Variants in BEST4 observed in about 807,000 individuals in gnomAD.
BEST4 encodes bestrophin-4.
BEST4 carries 36 observed loss-of-function variants against 47.1 expected under a neutral mutation model. The observed-to-expected ratio is 0.76, with a 90% CI of 0.59 to 1.01. The LOEUF is 1.01. Ranked by LOEUF, BEST4 falls within the 50% of genes least tolerant of loss-of-function variation. The probability of loss-of-function intolerance (pLI) is 0.00; values close to 1 mark genes in which losing one functional copy is unlikely to be tolerated. For synonymous variants in BEST4, 250 were observed against 277.8 expected (o/e 0.90, Z 1.00); for missense variants, 550 against 648.6 (o/e 0.85, Z 1.65).
downstream of BEST4, chr1:44,783,495 C>T (rs1056221544): frequency 2.6e-5 from 4 of 152,178 alleles, no homozygotes; most frequent in African/African-American, 9.7e-5. Flanking sequence ...TCATCTTCAT[C>T]CTACTGCATG....
Position 44,784,314 on chromosome 1 carries a change from G to A in BEST4, c.1318C>T (p.Pro440Ser). Reference sequence around the variant, plus strand: ...TCCGCCCGGAAGCGCAGCAGATGCGGGGGGCGGGGGGTGCCTCGCACGCGG... The same window carrying A: ...TCCGCCCGGAAGCGCAGCAGATGCGAGGGGCGGGGGGTGCCTCGCACGCGG... The part of the protein sequence containing the change: ...FGRVRGTPRP[P>S]HLLRFRAEEG... The change falls in exon 9 of 9, where the codon CCG (proline) becomes TCG (serine). Residue 440 changes from proline to serine, a missense_variant. Pro to Ser is a moderately conservative substitution (Grantham distance 74). This residue lies in a region of BEST4 where 255 missense variants were observed against 286.6 expected (regional missense o/e 0.89). Coordinates refer to ENST00000372207, the MANE Select transcript of BEST4 (RefSeq NM_153274.3). The surrounding 1 kb of genome is among the most constrained non-coding windows in gnomAD (Gnocchi z 6.2). The A allele has an allele frequency of 7.2e-7, 1 of 1,396,946 alleles. No homozygotes were observed. The highest frequency in any genetic ancestry group is 3.0e-5 in the East Asian group (1 of 33,072). 86.5% of individuals were successfully genotyped at this position (1,396,946 alleles called of 1,614,324 possible). A position where few individuals can be genotyped will look rare whatever the true frequency, so the allele number is the denominator to read the frequency against.
upstream of BEST4, among the ~76,000 whole-genome samples, chr1:44,792,617 C>T (rs1394885167): frequency 6.6e-6 from 1 of 151,938 alleles, no homozygotes; most frequent in Non-Finnish European, 1.5e-5. Context: ...ACCTCTGCAC[C>T]CACCAAGGAC....
Position 44,784,496 on chromosome 1 carries a change from G to A in BEST4, c.1149-13C>T. On this transcript the variant is annotated splice_polypyrimidine_tract_variant and intron_variant, in intron 8 of 8. Transcript: ENST00000372207. This position sits in a 1 kb window ranked among gnomAD's most constrained non-coding sequence, Gnocchi z 6.2. ...GTCGTCGCTCATGCTGCGGGCGGGA[G>A]GGCGGGCTGAGCCGGGGCACAGGGC... 1 of 1,469,126 alleles carries A rather than the reference G, an allele frequency of 6.8e-7. No homozygotes were observed. The highest frequency in any genetic ancestry group is 9.0e-7 in the Non-Finnish European group (1 of 1,114,934). The allele number at this position is 1,469,126 out of a possible 1,614,324, so 91.0% of individuals were successfully genotyped here.
intron 4 of BEST4, among the ~76,000 whole-genome samples, 168 bp downstream of exon 4, chr1:44,785,906 C>T (rs1172156067): frequency 2.6e-5 from 4 of 152,172 alleles, no homozygotes; most frequent in Non-Finnish European, 5.9e-5. Context: ...GATGATAGTA[C>T]CTATGTCAAG....
At position 44,786,522 on chromosome 1, in the gene BEST4, C is replaced by G. The variant is rs879474294; in HGVS notation, c.422G>C (p.Arg141Pro). The G allele has an allele frequency of 8.4e-6, 13 of 1,549,110 alleles. No homozygotes were observed. The highest frequency in any genetic ancestry group is 1.0e-5 in the Non-Finnish European group (12 of 1,147,620). ...YANLASVLVL[R>P]SVSTRVLKRF... The stretch of plus-strand genomic sequence containing the variant: ...CTTAAGCACGCGGGTGCTGACCGAG[C>G]GCAGCACCAGCACGGACGCCAGGTT... Residue 141 changes from arginine to proline, a missense_variant, in exon 3 of 9, where the codon CGC becomes CCC. This residue lies in a region of BEST4 where 291 missense variants were observed against 342.4 expected (regional missense o/e 0.85). Coordinates refer to ENST00000372207, the MANE Select transcript of BEST4 (RefSeq NM_153274.3). This position sits in a 1 kb window ranked among gnomAD's most constrained non-coding sequence, Gnocchi z 4.9.
Position 44,788,014 on chromosome 1 carries a change from C to T in BEST4, c.-309G>A, listed in dbSNP as rs190603816. Among the ~76,000 whole-genome samples the T allele has an allele frequency of 1.8e-4, 27 of 152,338 alleles. No homozygotes were observed. Among genetic ancestry groups the T allele is most frequent in the Admixed American group, 1.3e-3 (20 of 15,298 alleles). ...GGGATAACCAGATCCTGAACTGCTG[C>T]GGACAAGAGACGCAGCTCCAGCCCA... On this transcript the variant is annotated 5_prime_UTR_variant, in exon 1 of 9. Coordinates refer to ENST00000372207, the MANE Select transcript of BEST4 (RefSeq NM_153274.3).
chr1:44,787,626 C>G lies in BEST4; in HGVS notation c.80G>C (p.Ser27Thr). 6.2e-7 allele frequency: 1 copy of G among 1,614,234 alleles called. No homozygotes were observed. Among genetic ancestry groups the G allele is most frequent in the East Asian group, 2.2e-5 (1 of 44,894 alleles). Residue 27 changes from serine (S) to threonine (T), a missense_variant, in exon 1 of 9, where the codon AGC (serine) becomes ACC (threonine). By Grantham distance (58) the Ser-to-Thr change is moderately conservative (BLOSUM62 1). Transcript: ENST00000372207. ...TTCCTTGTAGAGGAGCTTGTAGATG[C>G]TTCCCCTCCAGCGGAGAAGCAGGCC... The part of the protein sequence containing the change: ...FSGLLLRWRG[S>T]IYKLLYKEFL...
rs1286845127 is a variant in BEST4, at chr1:44,786,796, T to C, written c.248-100A>G. 1.2e-5 allele frequency: 11 copies of C among 897,378 alleles called. No individual in the cohort carries two copies. Among genetic ancestry groups the C allele is most frequent in the African/African-American group, 1.7e-5 (1 of 59,186 alleles). 55.6% of individuals were successfully genotyped at this position (897,378 alleles called of 1,614,324 possible). Reference sequence around the variant, plus strand: ...CAGCAAAGGGCCTGGTCCAGGCCAGTTGAATCGTGGCAGGGGGAAGGAAAC... The same window carrying C: ...CAGCAAAGGGCCTGGTCCAGGCCAGCTGAATCGTGGCAGGGGGAAGGAAAC... On this transcript the variant is annotated intron_variant, in intron 2 of 8. Transcript: ENST00000372207. The surrounding 1 kb of genome is among the most constrained non-coding windows in gnomAD (Gnocchi z 4.9).
chr1:44,789,041 G>A (rs1651335264), upstream of BEST4, among the ~76,000 whole-genome samples: 6 of 152,122 alleles, frequency 3.9e-5, no homozygotes, highest in South Asian at 1.0e-3. Context: ...GATCACTTGA[G>A]GTCAGGAGTT....
In BEST4 at chr1:44,787,832, G is replaced by GGGGTA. The variant is rs1651303940; in HGVS notation, c.-132_-128dup. 8.6e-7 allele frequency: 1 copy of GGGGTA among 1,164,502 alleles called. No homozygotes were observed. 72.1% of individuals were successfully genotyped at this position (1,164,502 alleles called of 1,614,324 possible). A position where few individuals can be genotyped will look rare whatever the true frequency, so the allele number is the denominator to read the frequency against. On this transcript the variant is annotated 5_prime_UTR_variant, in exon 1 of 9. It removes the in-frame stop codon of an upstream open reading frame in the 5' UTR. Transcript: ENST00000372207. The stretch of plus-strand genomic sequence containing the variant: ...CCTTCACCCTGCGTCAGTGGACAAG[G>GGGGTA]GGGTAGGAGCCTGCAGAGCAGAAAA...
chr1:44,784,535 C>CG lies in BEST4; in HGVS notation c.1149-53dup. The CG allele has an allele frequency of 2.7e-6, 4 of 1,504,634 alleles. No individual in the cohort carries two copies. In the South Asian group the frequency reaches 5.2e-5, roughly 20 times the overall value. 93.2% of individuals were successfully genotyped at this position (1,504,634 alleles called of 1,614,324 possible). A position where few individuals can be genotyped will look rare whatever the true frequency, so the allele number is the denominator to read the frequency against. On this transcript the variant is annotated intron_variant, in intron 8 of 8. Coordinates refer to ENST00000372207, the MANE Select transcript of BEST4 (RefSeq NM_153274.3). The surrounding 1 kb of genome is among the most constrained non-coding windows in gnomAD (Gnocchi z 6.2). ...GGGGCACAGGGCGGGAGCGGGGACGCGGGATCGGCTCTCGGGGAAGGACCG... is the reference window on the plus strand; with the variant it reads ...GGGGCACAGGGCGGGAGCGGGGACGCGGGGATCGGCTCTCGGGGAAGGACCG...
At chr1:44,790,580 G>C (rs140468130), upstream of BEST4, among the ~76,000 whole-genome samples, 62 of 152,184 alleles carry the variant, frequency 4.1e-4, no homozygotes, top group African/African-American at 1.3e-3. Flanking sequence ...CTCCCCTCTA[G>C]CCTGTGAGAC....
rs1247317770 is a variant in BEST4, at chr1:44,784,736, A to G, written c.1041T>C (p.Ala347=). Residue 347 remains alanine (A), a synonymous_variant, in exon 8 of 9, where the codon GCT becomes GCC. Coordinates refer to ENST00000372207, the MANE Select transcript of BEST4 (RefSeq NM_153274.3). The surrounding 1 kb of genome is among the most constrained non-coding windows in gnomAD (Gnocchi z 6.2). The part of the protein sequence containing the change: ...VDEMYQNLPP[A]EKDQYWDEDQ... ...CCTCATCCCAGTACTGGTCCTTCTC[A>G]GCGGGGGGAAGGTTCTGGTACATTT... The G allele has an allele frequency of 3.7e-6, 6 of 1,603,104 alleles. No individual in the cohort carries two copies. The highest frequency in any genetic ancestry group is 1.7e-4 in the Middle Eastern group (1 of 6,012).
rs1557612047 is a variant in BEST4 at position 44,784,075 on chromosome 1, C to G, written c.*135G>C. 4.5e-6 allele frequency: 4 copies of G among 897,130 alleles called. No individual in the cohort carries two copies. The South Asian group carries it at 8.5e-5, about 19-fold the overall frequency. The allele number at this position is 897,130 out of a possible 1,614,324, so 55.6% of individuals were successfully genotyped here. On this transcript the variant is annotated 3_prime_UTR_variant, in exon 9 of 9. Transcript: ENST00000372207. This position sits in a 1 kb window ranked among gnomAD's most constrained non-coding sequence, Gnocchi z 6.2. ...AGGCCCTTTTCGCCATCTTCTCTTT[C>G]AAGTTCTGTCCCTAAATGCTCTGGC...
In BEST4 at chr1:44,787,451, C is replaced by T; in HGVS notation, c.168G>A (p.Gln56=). ...CCTGAGCATACACGTACCTCTGCTCCTGGGTCAGCAGCAGCCTGGGGAAGG... is the reference window on the plus strand; with the variant it reads ...CCTGAGCATACACGTACCTCTGCTCTTGGGTCAGCAGCAGCCTGGGGAAGG... ...LSITYRLLLT[Q]EQRYVYAQVA... is the part of the protein sequence containing the mutation. Residue 56 remains glutamine (Q), a synonymous_variant, in exon 2 of 9, where the codon CAG becomes CAA. Coordinates refer to ENST00000372207, the MANE Select transcript of BEST4 (RefSeq NM_153274.3). 4.3e-6 allele frequency: 7 copies of T among 1,614,152 alleles called. No homozygotes were observed. The highest frequency in any genetic ancestry group is 1.3e-5 in the African/African-American group (1 of 75,028).
chr1:44,785,765 G>C (rs2148847601), intron 4 of BEST4, 89 bp from the exon 5 acceptor site: 1 of 1,161,156 alleles, frequency 8.6e-7, no homozygotes, highest in Non-Finnish European at 1.2e-6. Context: ...TGGCCAGGAG[G>C]CTCTTTCTCA....
chr1:44,785,677 C>G lies in BEST4; in HGVS notation c.637-1G>C. The G allele has an allele frequency of 6.4e-7, 1 of 1,552,930 alleles. No homozygotes were observed. Among genetic ancestry groups the G allele is most frequent in the Non-Finnish European group, 8.7e-7 (1 of 1,147,758 alleles). On this transcript the variant is annotated splice_acceptor_variant, in intron 4 of 8. Transcript: ENST00000372207. LOFTEE classifies it high-confidence loss of function. ...ACTTGGCTCGGTACTTGTTCAGCTC[C>G]TGGGGGAACAGCAGGAACAGGAAGT...
At chr1:44,792,032 C>T (rs1000808627), upstream of BEST4, among the ~76,000 whole-genome samples, 1 of 152,122 alleles carries the variant, frequency 6.6e-6, no homozygotes, top group Non-Finnish European at 1.5e-5. Context: ...CACCTGAGGT[C>T]GGGAGTTCGA....
chr1:44,789,007 C>T (rs1268761386), upstream of BEST4, among the ~76,000 whole-genome samples: 6 of 152,152 alleles, frequency 3.9e-5, no homozygotes, highest in Non-Finnish European at 7.4e-5. Context: ...AATCCTAGCA[C>T]TTTGGGCAGC....
Sources: gnomAD v4.1 joint callset for allele counts (sites outside exome capture counted in the v4.1 genomes callset) on GRCh38, gnomAD v4.1.1 for gene constraint, gnomAD v4.1.1 regional missense constraint, Gnocchi (gnomAD v3.1) non-coding constraint, MANE v1.5 for transcripts, NCBI Gene and HGNC (gene_info 2026-07-23, HGNC 2026-07-21) for gene names.